TMCC1: variants seen among roughly 807,000 people sequenced by gnomAD.
TMCC1 encodes transmembrane and coiled-coil domain family 1.
A neutral mutation model predicts 52.4 loss-of-function variants in TMCC1; 15 were observed. The observed-to-expected ratio is 0.29, with a 90% CI of 0.19 to 0.44. The LOEUF is 0.44. Ranked by LOEUF, TMCC1 falls within the 20% of genes least tolerant of loss-of-function variation. TMCC1 has a pLI of 1.00. For missense variants in TMCC1, 503 were observed against 806.0 expected (o/e 0.62, Z 4.55); for synonymous variants, 279 against 301.9 (o/e 0.92, Z 0.79).
At chr3:129,706,526 T>TA in intron 4 of TMCC1, among the ~76,000 whole-genome samples, 1 of 152,122 alleles carries the variant, frequency 6.6e-6, no homozygotes, top group Middle Eastern at 3.4e-3. Flanking sequence ...TATTAAAAAA[T>TA]AAAAAATATA....
intron 4 of TMCC1, among the ~76,000 whole-genome samples, chr3:129,773,966 A>G (rs924039137): frequency 1.3e-4 from 20 of 152,244 alleles, no homozygotes; most frequent in African/African-American, 4.1e-4. Flanking sequence ...TTAAAAAATT[A>G]TTATATTGTA....
intron 4 of TMCC1, chr3:129,688,263 T>C (rs982542288): frequency 1.2e-6 from 1 of 837,986 alleles, no homozygotes; most frequent in African/African-American, 1.9e-5. Context: ...GCTTGGATGG[T>C]AAAAAAAAAA....
In TMCC1 at chr3:129,709,538, C is replaced by A. The variant is rs570652892; in HGVS notation, c.577-38274G>T. Among the ~76,000 whole-genome samples, 33 of 143,372 alleles carry A rather than the reference C, an allele frequency of 2.3e-4. 1 individual carries two copies. Among genetic ancestry groups the A allele is most frequent in the Middle Eastern group, 3.8e-3 (1 of 266 alleles). The allele number at this position is 143,372 out of a possible 152,430, so 94.1% of individuals were successfully genotyped here. ...AACTTTAAATCATCAAGGCTAACACCATTTACTTTTCTCTGGTTAGTCCAT... is the reference window on the plus strand; with the variant it reads ...AACTTTAAATCATCAAGGCTAACACAATTTACTTTTCTCTGGTTAGTCCAT... On this transcript the variant is annotated intron_variant, in intron 4 of 6. Transcript: ENST00000393238.
At chr3:129,787,600 A>G (rs1278197619) in intron 4 of TMCC1, among the ~76,000 whole-genome samples, 4 of 152,232 alleles carry the variant, frequency 2.6e-5, no homozygotes, top group Admixed American at 2.6e-4. Context: ...TGATAAAAAA[A>G]AGAATATTTC....
chr3:129,730,096 C>CT (rs1240000119), intron 4 of TMCC1, among the ~76,000 whole-genome samples: 1 of 152,012 alleles, frequency 6.6e-6, no homozygotes, highest in African/African-American at 2.4e-5. Context: ...ACATATATTG[C>CT]TTTTGCACCA....
chr3:129,857,141 C>T (rs784714), intron 2 of TMCC1: 147,424 of 152,290 alleles, frequency 0.97, 71,521 homozygotes, highest in South Asian at 1. Flanking sequence ...GGGCTGGTCT[C>T]GAACTCCTGA....
intron 4 of TMCC1, among the ~76,000 whole-genome samples, chr3:129,683,821 G>T (rs1040566505): frequency 4.5e-4 from 69 of 152,228 alleles, no homozygotes; most frequent in African/African-American, 1.3e-3. Context: ...TATTTAAACA[G>T]ACAGGACAGC....
chr3:129,841,969 A>G (rs532405750), intron 2 of TMCC1, among the ~76,000 whole-genome samples: 2 of 152,350 alleles, frequency 1.3e-5, no homozygotes, highest in African/African-American at 2.4e-5. Flanking sequence ...AGTTCTTTAT[A>G]GCATTGTGAA....
intron 4 of TMCC1, among the ~76,000 whole-genome samples, chr3:129,826,685 A>T (rs997875033): frequency 6.6e-6 from 1 of 151,982 alleles, no homozygotes; most frequent in East Asian, 1.9e-4. Context: ...CTCAATATTT[A>T]TATTTCCAGG....
intron 6 of TMCC1, among the ~76,000 whole-genome samples, chr3:129,652,255 G>A (rs2086378648): frequency 6.6e-6 from 1 of 152,164 alleles, no homozygotes; most frequent in African/African-American, 2.4e-5. Context: ...GCATATATGT[G>A]TCAAGGAAAA....
chr3:129,773,337 G>T (rs2054765437), intron 4 of TMCC1, among the ~76,000 whole-genome samples: 1 of 152,076 alleles, frequency 6.6e-6, no homozygotes. Context: ...GGCGAAGGGG[G>T]GTAGAGGATA....
At chr3:129,767,248 G>A (rs943851885) in intron 4 of TMCC1, among the ~76,000 whole-genome samples, 1 of 144,518 alleles carries the variant, frequency 6.9e-6, no homozygotes, top group Non-Finnish European at 1.5e-5. Flanking sequence ...GCGACAGTGA[G>A]ACGCTGTCTT....
At chr3:129,849,695 G>A (rs1445357041) in intron 2 of TMCC1, among the ~76,000 whole-genome samples, 2 of 150,464 alleles carry the variant, frequency 1.3e-5, no homozygotes, top group African/African-American at 2.5e-5. Context: ...GAAGCTGGGA[G>A]GCAGAGCTTG....
intron 4 of TMCC1, among the ~76,000 whole-genome samples, chr3:129,764,654 A>G (rs993403388): frequency 6.6e-6 from 1 of 151,380 alleles, no homozygotes; most frequent in African/African-American, 2.4e-5. Context: ...CTTTTCAGAT[A>G]TTCCTAACTG....
chr3:129,672,870 T>A (rs62267601), intron 4 of TMCC1, among the ~76,000 whole-genome samples: 186 of 152,306 alleles, frequency 1.2e-3, no homozygotes, highest in Non-Finnish European at 1.6e-3. Flanking sequence ...GGATAACATC[T>A]TCTTTTTTTC....
chr3:129,696,427 C>G (rs533877706), intron 4 of TMCC1, among the ~76,000 whole-genome samples: 1 of 152,320 alleles, frequency 6.6e-6, no homozygotes, highest in South Asian at 2.1e-4. Context: ...CTAAAATGTA[C>G]AAAACCAAGC....
intron 4 of TMCC1, among the ~76,000 whole-genome samples, chr3:129,760,451 G>A (rs1478441865): frequency 5.8e-5 from 4 of 68,758 alleles, no homozygotes; most frequent in African/African-American, 8.7e-5. Flanking sequence ...AGACAGTCTC[G>A]CTCTGTGTGT....
intron 2 of TMCC1, among the ~76,000 whole-genome samples, chr3:129,842,588 C>A (rs2059470922): frequency 6.6e-6 from 1 of 152,066 alleles, no homozygotes. Context: ...CTCCACTGAA[C>A]AACAGCTGAA....
At chr3:129,735,301 T>C (rs964634705) in intron 4 of TMCC1, among the ~76,000 whole-genome samples, 1 of 152,136 alleles carries the variant, frequency 6.6e-6, no homozygotes, top group Non-Finnish European at 1.5e-5. Flanking sequence ...TGAAAGAATA[T>C]TCTAACAATA....
Sources: allele counts gnomAD v4.1 joint callset (sites outside exome capture counted in the v4.1 genomes callset), GRCh38; gene constraint gnomAD v4.1.1; transcripts MANE v1.5; gene names NCBI Gene and HGNC (gene_info 2026-07-23, HGNC 2026-07-21).